The following NRCAM variants were observed in gnomAD, a reference collection of about 807,000 sequenced individuals.
NRCAM encodes the protein neuronal cell adhesion molecule, also known as NgCAM-related cell adhesion molecule.
In NRCAM, 83 loss-of-function variants were observed where a neutral mutation model predicts 156.5. The observed-to-expected ratio is 0.53, with a 90% CI of 0.44 to 0.64. NRCAM has a LOEUF of 0.64. Ranked by LOEUF, NRCAM falls within the 30% of genes least tolerant of loss-of-function variation. NRCAM has a pLI of 0.00. For synonymous variants in NRCAM, 538 were observed against 563.9 expected (o/e 0.95, Z 0.65); for missense variants, 1,417 against 1,597.3 (o/e 0.89, Z 1.92).
chr7:108,248,614 C>A (rs1051602832), intron 3 of NRCAM, among the ~76,000 whole-genome samples: 1 of 152,140 alleles, frequency 6.6e-6, no homozygotes, highest in African/African-American at 2.4e-5. Flanking sequence ...GCAGGCACCT[C>A]TGCTCGAGGC....
intron 1 of NRCAM, among the ~76,000 whole-genome samples, chr7:108,415,208 T>G (rs1202944885): frequency 6.6e-6 from 1 of 152,214 alleles, no homozygotes; most frequent in East Asian, 1.9e-4. Flanking sequence ...ATCTGCCATC[T>G]GACAACAGGG....
At chr7:108,262,721 TC>T (rs2096931194) in intron 3 of NRCAM, among the ~76,000 whole-genome samples, 1 of 152,222 alleles carries the variant, frequency 6.6e-6, no homozygotes, top group South Asian at 2.1e-4. Context: ...CTGCATTTGG[TC>T]CTTCTCCATC....
intron 3 of NRCAM, among the ~76,000 whole-genome samples, chr7:108,263,067 T>C (rs537301657): frequency 1.3e-5 from 2 of 152,212 alleles, no homozygotes; most frequent in Non-Finnish European, 2.9e-5. Flanking sequence ...TGGAGACCAC[T>C]GACACAACCC....
At position 108,390,088 on chromosome 7, in the gene NRCAM, T is replaced by G. The variant is rs550604929; in HGVS notation, c.-174+9348A>C. The stretch of plus-strand genomic sequence containing the variant: ...GCCTCATAAAATGACTTAGGGAGGA[T>G]TCCCTTTTTCTATTGATTGGAATAG... On this transcript the variant is annotated intron_variant, in intron 2 of 32. Coordinates refer to ENST00000379028, the MANE Select transcript of NRCAM (RefSeq NM_001037132.4). 5.3e-4 allele frequency among the ~76,000 whole-genome samples: 81 copies of G among 152,170 alleles called. 1 individual carries two copies. Among genetic ancestry groups the G allele is most frequent in the Middle Eastern group, 3.4e-3 (1 of 294 alleles).
At position 108,384,344 on chromosome 7, in the gene NRCAM, G is replaced by A. The variant is rs73422152; in HGVS notation, c.-174+15092C>T. On this transcript the variant is annotated intron_variant, in intron 2 of 32. Transcript: ENST00000379028. ...AAACAAAACCAAAAACAAAAAACAG[G>A]TTGGGGGTGAACTGGTAGAAAAAAA... Among the ~76,000 whole-genome samples, 188 of 152,198 alleles carry A rather than the reference G, an allele frequency of 1.2e-3. 2 individuals carry two copies. The highest frequency in any genetic ancestry group is 4.3e-3 in the African/African-American group (178 of 41,528).
chr7:108,259,395 G>A (rs1175953341), intron 3 of NRCAM, among the ~76,000 whole-genome samples: 1 of 152,180 alleles, frequency 6.6e-6, no homozygotes, highest in Non-Finnish European at 1.5e-5. Context: ...ACTATTGATG[G>A]GAATGTAAAT....
intron 10 of NRCAM, 102 bp from the exon 11 acceptor site, chr7:108,223,938 G>T (rs530702486): frequency 3.1e-6 from 2 of 652,758 alleles, no homozygotes; most frequent in Non-Finnish European, 5.5e-6. Flanking sequence ...CCCTTTTTAA[G>T]CTATTTAACA....
intron 2 of NRCAM, among the ~76,000 whole-genome samples, chr7:108,379,432 T>A (rs950388556): frequency 6.6e-6 from 1 of 152,108 alleles, no homozygotes; most frequent in African/African-American, 2.4e-5. Flanking sequence ...TTCAAAATTA[T>A]AGAGGCAGAA....
At chr7:108,357,170 T>C (rs1408360385) in intron 2 of NRCAM, among the ~76,000 whole-genome samples, 5 of 152,278 alleles carry the variant, frequency 3.3e-5, no homozygotes, top group East Asian at 1.9e-4. Context: ...AAAGTCTCCA[T>C]TGGGAGCTTT....
intron 2 of NRCAM, among the ~76,000 whole-genome samples, chr7:108,369,611 C>T (rs1036149213): frequency 2.6e-5 from 4 of 152,066 alleles, no homozygotes; most frequent in Non-Finnish European, 5.9e-5. Flanking sequence ...CTCTGACTTG[C>T]AGGCAATTTT....
At chr7:108,451,091 T>C (rs1346589524) in intron 1 of NRCAM, among the ~76,000 whole-genome samples, 2 of 151,854 alleles carry the variant, frequency 1.3e-5, no homozygotes, top group Non-Finnish European at 2.9e-5. Flanking sequence ...TGGTGGCAGG[T>C]GCCTGTAATC....
At chr7:108,451,826 CAG>C (rs1850726917) in intron 1 of NRCAM, among the ~76,000 whole-genome samples, 1 of 152,002 alleles carries the variant, frequency 6.6e-6, no homozygotes, top group African/African-American at 2.4e-5. Context: ...TTAATGTGTA[CAG>C]AGTTACAATT....
At chr7:108,191,332 A>C in intron 18 of NRCAM, 49 bp from the exon 19 acceptor site, 1 of 1,330,894 alleles carries the variant, frequency 7.5e-7, no homozygotes, top group South Asian at 1.3e-5. Flanking sequence ...TAGTAATGGA[A>C]AGATACAAGA....
In NRCAM at chr7:108,194,378, T is replaced by C; in HGVS notation, c.1514A>G (p.His505Arg). 6.2e-7 allele frequency: 1 copy of C among 1,613,304 alleles called. No homozygotes were observed. Among genetic ancestry groups the C allele is most frequent in the African/African-American group, 1.3e-5 (1 of 75,050 alleles). The change falls in exon 16 of 33, where the codon CAT becomes CGT. Residue 505 changes from histidine to arginine, a missense_variant. Physicochemically the swap from His to Arg is conservative, Grantham distance 29. This residue lies in a region of NRCAM where 1,238 missense variants were observed against 1,336.4 expected (regional missense o/e 0.93). Transcript: ENST00000379028. ...SALHEDIYVL[H>R]ENGTLEIPVA... ...AGGAATTTCCAAAGTTCCATTTTCA[T>C]GTAAAACATAAATATCTTCATGAAG...
At chr7:108,402,998 G>A (rs1264301563) in intron 1 of NRCAM, among the ~76,000 whole-genome samples, 3 of 152,148 alleles carry the variant, frequency 2.0e-5, no homozygotes, top group East Asian at 1.9e-4. Flanking sequence ...ATCTCAAACC[G>A]AACTTTCTAC....
chr7:108,308,195 G>A (rs1314579399), intron 3 of NRCAM, among the ~76,000 whole-genome samples: 4 of 152,190 alleles, frequency 2.6e-5, no homozygotes, highest in Admixed American at 6.5e-5. Flanking sequence ...GTACTTGCTG[G>A]GAACAAGAGC....
chr7:108,245,789 G>A (rs2095868522), intron 3 of NRCAM, among the ~76,000 whole-genome samples: 2 of 152,136 alleles, frequency 1.3e-5, no homozygotes, highest in Admixed American at 1.3e-4. Context: ...AAGATACCAA[G>A]GTCTTTTGGA....
chr7:108,186,495 T>C (rs439657), intron 20 of NRCAM, among the ~76,000 whole-genome samples: 103,345 of 152,056 alleles, frequency 0.68, 37,191 homozygotes, highest in East Asian at 0.96. Flanking sequence ...CATTAAAATA[T>C]ATCCAAAATC....
chr7:108,324,454 T>C (rs900865038), intron 2 of NRCAM, among the ~76,000 whole-genome samples: 5 of 152,178 alleles, frequency 3.3e-5, no homozygotes, highest in African/African-American at 1.2e-4. Flanking sequence ...ATTTGAACCC[T>C]GTTTAAAAGG....
Sources: allele counts gnomAD v4.1 joint callset (sites outside exome capture counted in the v4.1 genomes callset), GRCh38; gene constraint gnomAD v4.1.1; regional missense constraint gnomAD v4.1.1; transcripts MANE v1.5; gene names NCBI Gene and HGNC (gene_info 2026-07-23, HGNC 2026-07-21).